The following EVPL variants were observed in gnomAD, a reference collection of about 807,000 sequenced individuals.
The protein encoded by EVPL is envoplakin.
A neutral mutation model predicts 129.7 loss-of-function variants in EVPL; 94 were observed. The ratio of observed to expected loss-of-function variants is 0.72; its 90% CI spans 0.61 to 0.86. EVPL has a LOEUF of 0.86. Ranked by LOEUF, EVPL falls within the 40% of genes least tolerant of loss-of-function variation. EVPL has a pLI of 0.00. For synonymous variants in EVPL, 1,172 were observed against 1,191.1 expected, an observed-to-expected ratio of 0.98 and a Z score of 0.33; for missense variants, 2,625 against 2,721.1, an observed-to-expected ratio of 0.96 and a Z score of 0.79.
chr17:76,012,295 G>A (rs935331332), intron 18 of EVPL: 5 of 506,442 alleles, frequency 9.9e-6, no homozygotes, highest in Non-Finnish European at 1.4e-5. Context: ...CACCTTGGCA[G>A]AATCCCTTTC....
intron 1 of EVPL, among the ~76,000 whole-genome samples, chr17:76,025,575 A>G (rs2066492902): frequency 6.6e-6 from 1 of 151,976 alleles, no homozygotes; most frequent in Non-Finnish European, 1.5e-5. Flanking sequence ...GGAGCTGCAC[A>G]CTCCACCCTG....
In EVPL at chr17:76,008,001, T is replaced by G; in HGVS notation, c.5204A>C (p.Glu1735Ala). The stretch of plus-strand genomic sequence containing the variant: ...GCTCTTGCGGTCCAGGAGCACAGAC[T>G]CCTCCCCACAGGGCCCCGAGGTGGT... The part of the protein sequence containing the change: ...EVTTSGPCGE[E>A]SVLLDRKSGK... The change falls in exon 22 of 22, where the codon GAG becomes GCG. Residue 1735 changes from glutamate (E) to alanine (A), a missense_variant. By Grantham distance (107) the Glu-to-Ala change is moderately radical. Around this residue, in one of 4 missense-constraint regions of EVPL, gnomAD observed 1,453 missense variants for 1,511.8 expected, o/e 0.96. Transcript: ENST00000301607. This position sits in a 1 kb window ranked among gnomAD's most constrained non-coding sequence, Gnocchi z 7.4. 1.9e-6 allele frequency: 3 copies of G among 1,613,954 alleles called. No homozygotes were observed. The highest frequency in any genetic ancestry group is 3.3e-4 in the Middle Eastern group (2 of 6,062).
intron 12 of EVPL, 39 bp downstream of exon 12, chr17:76,018,407 G>A (rs748362769): frequency 2.3e-5 from 37 of 1,587,562 alleles, no homozygotes; most frequent in Admixed American, 5.4e-5. Flanking sequence ...GGCCTGCTCT[G>A]CCCACAGCCT....
At position 76,011,894 on chromosome 17, in the gene EVPL, G is replaced by A. The variant is rs1217551059; in HGVS notation, c.2458-12C>T. 6.8e-6 allele frequency: 11 copies of A among 1,612,456 alleles called. No individual in the cohort carries two copies. The highest frequency in any genetic ancestry group is 4.0e-5 in the African/African-American group (3 of 74,906). On this transcript the variant is annotated splice_polypyrimidine_tract_variant and intron_variant, in intron 19 of 21. Transcript: ENST00000301607. ...TGGAGCTCATAGTCCTGAGCAGGGA[G>A]GAAAGGACAGCAGGCTGGCAACCAG... is the stretch of plus-strand genomic sequence containing the variant.
At chr17:76,012,607 A>C (rs1227484250) in intron 18 of EVPL, among the ~76,000 whole-genome samples, 1 of 151,312 alleles carries the variant, frequency 6.6e-6, no homozygotes, top group Non-Finnish European at 1.5e-5. Context: ...TGTGCCCCTC[A>C]GAGTTCCGTT....
intron 18 of EVPL, 120 bp downstream of exon 18, chr17:76,014,306 G>A: frequency 7.4e-7 from 1 of 1,355,468 alleles, no homozygotes; most frequent in Non-Finnish European, 9.8e-7. Context: ...TTCAGCTGGA[G>A]GCCAGGGAAG....
At position 76,009,250 on chromosome 17, in the gene EVPL, G is replaced by A. The variant is rs375615208; in HGVS notation, c.3955C>T (p.Arg1319Cys). Reference protein sequence around the residue: ...ETKTVSKEVVRHEKDPVLEKE... With the variant: ...ETKTVSKEVVCHEKDPVLEKE... The stretch of plus-strand genomic sequence containing the variant: ...TCCAGCACCGGGTCCTTCTCGTGGC[G>A]CACCACCTCCTTGCTCACCGTCTTG... Residue 1319 changes from arginine (R) to cysteine (C), a missense_variant, in exon 22 of 22, where the codon CGC (arginine) becomes TGC (cysteine). Transcript: ENST00000301607. The surrounding 1 kb of genome is among the most constrained non-coding windows in gnomAD (Gnocchi z 5.9). 3.1e-6 allele frequency: 5 copies of A among 1,607,550 alleles called. 1 individual carries two copies. In the East Asian group the frequency reaches 1.1e-4, roughly 36 times the overall value.
rs1429885738 is a variant in EVPL at position 76,008,406 on chromosome 17, C to G, written c.4799G>C (p.Arg1600Pro). 3.1e-6 allele frequency: 5 copies of G among 1,593,488 alleles called. No homozygotes were observed. The highest frequency in any genetic ancestry group is 4.3e-6 in the Non-Finnish European group (5 of 1,175,778). Residue 1600 changes from arginine (R) to proline (P), a missense_variant, in exon 22 of 22, where the codon CGG becomes CCG. Transcript: ENST00000301607. This position sits in a 1 kb window ranked among gnomAD's most constrained non-coding sequence, Gnocchi z 7.4. ...QECGRLQQELRALERQKQQQT... is the reference protein window; with the variant it reads ...QECGRLQQELPALERQKQQQT... ...CTGCTGCTTCTGCCTCTCCAGAGCC[C>G]GCAGCTCCTGCTGCAGCCGCCCACA...
rs371170109 is a variant in EVPL, at chr17:76,012,575, A to G, written c.2374-486T>C. 8.6e-4 allele frequency among the ~76,000 whole-genome samples: 130 copies of G among 150,414 alleles called. 1 individual carries two copies. The East Asian group carries it at 0.016, about 19-fold the overall frequency. On this transcript the variant is annotated intron_variant, in intron 18 of 21. Coordinates refer to ENST00000301607, the MANE Select transcript of EVPL (RefSeq NM_001988.4). ...CTCCCAAAGTGCTGGGATTACAGGC[A>G]TGAGCCACCTTTCTTTGGCCTTGTG...
chr17:76,017,492 TG>T (rs2066425533), intron 14 of EVPL, among the ~76,000 whole-genome samples: 2 of 152,154 alleles, frequency 1.3e-5, no homozygotes, highest in South Asian at 4.1e-4. Context: ...TCAGGCGAGC[TG>T]GGCATTATTA....
In EVPL at chr17:76,018,453, C is replaced by G; in HGVS notation, c.1432G>C (p.Ala478Pro). ...ATCCCTACACAGACCTACCGGGAGGCCCTGGCCACAGCATCAGGGTCTGGT... is the reference window on the plus strand; with the variant it reads ...ATCCCTACACAGACCTACCGGGAGGGCCTGGCCACAGCATCAGGGTCTGGT... ...PAPDPDAVAR[A>P]SRLASELQAL... is the part of the protein sequence containing the mutation. The change falls in exon 12 of 22, where the codon GCC becomes CCC. Residue 478 changes from alanine (A) to proline (P), a missense_variant. Physicochemically the swap from Ala to Pro is conservative, Grantham distance 27. Transcript: ENST00000301607. 6.2e-7 allele frequency: 1 copy of G among 1,611,662 alleles called. No homozygotes were observed. Among genetic ancestry groups the G allele is most frequent in the South Asian group, 1.1e-5 (1 of 90,784 alleles).
chr17:76,019,797 T>C (rs2066444969), intron 9 of EVPL, 144 bp from the exon 10 acceptor site: 1 of 1,078,092 alleles, frequency 9.3e-7, no homozygotes. Flanking sequence ...ACAAACCAGA[T>C]AAATGTGAAA....
intron 14 of EVPL, among the ~76,000 whole-genome samples, chr17:76,016,452 C>T (rs1332960338): frequency 6.6e-6 from 1 of 152,212 alleles, no homozygotes; most frequent in Non-Finnish European, 1.5e-5. Flanking sequence ...TCCTGGACCC[C>T]AACACCGCTG....
chr17:76,021,974 C>T lies in EVPL; in HGVS notation c.700G>A (p.Gly234Ser), dbSNP rs1244037734. The change falls in exon 7 of 22, where the codon GGC (glycine) becomes AGC (serine). Residue 234 changes from glycine (G) to serine (S), a missense_variant. Around this residue, in one of 4 missense-constraint regions of EVPL, gnomAD observed 1,024 missense variants for 997.5 expected, o/e 1.03. Coordinates refer to ENST00000301607, the MANE Select transcript of EVPL (RefSeq NM_001988.4). ...SLGSLYTHLQ[G>S]CTRQLSALAE... ...AGGGCGCTCAGCTGCCGCGTGCAGC[C>T]CTGGAGGTGCGTGTACAGGCTGCCC... 1.3e-6 allele frequency: 2 copies of T among 1,564,106 alleles called. No individual in the cohort carries two copies. Among genetic ancestry groups the T allele is most frequent in the African/African-American group, 2.7e-5 (2 of 73,880 alleles).
rs771728011 is a variant in EVPL at position 76,007,342 on chromosome 17, T to A, written c.5863A>T (p.Ile1955Phe). The change falls in exon 22 of 22, where the codon ATC (isoleucine) becomes TTC (phenylalanine). Residue 1955 changes from isoleucine (I) to phenylalanine (F), a missense_variant. Ile to Phe is a conservative substitution (Grantham distance 21, BLOSUM62 0). This residue lies in a region of EVPL where 1,453 missense variants were observed against 1,511.8 expected (regional missense o/e 0.96). Transcript: ENST00000301607. The surrounding 1 kb of genome is among the most constrained non-coding windows in gnomAD (Gnocchi z 8.8). Reference sequence around the variant, plus strand: ...ATCCCGGAGAGGAGGGCCTGCTGGATGGGGATGCGGCCTGTCCTCTTGGGG... The same window carrying A: ...ATCCCGGAGAGGAGGGCCTGCTGGAAGGGGATGCGGCCTGTCCTCTTGGGG... ...IDPKRTGRIP[I>F]QQALLSGMIS... 14 of 1,572,130 alleles carry A rather than the reference T, an allele frequency of 8.9e-6. No homozygotes were observed. The East Asian group carries it at 3.2e-4, about 36-fold the overall frequency.
At position 76,009,614 on chromosome 17, in the gene EVPL, G is replaced by A. The variant is rs201966558; in HGVS notation, c.3591C>T (p.His1197=). 327 of 1,613,942 alleles carry A rather than the reference G, an allele frequency of 2.0e-4. 3 individuals carry two copies. In the South Asian group the frequency reaches 3.3e-3, roughly 17 times the overall value. The change falls in exon 22 of 22, where the codon CAC becomes CAT. Residue 1197 remains histidine, a synonymous_variant. Transcript: ENST00000301607. The surrounding 1 kb of genome is among the most constrained non-coding windows in gnomAD (Gnocchi z 5.9). ...TCTCCGGATCCACCTGGAAGATCTC[G>A]TGGACGCGCTCCTGGAGCTGCACTT... The part of the protein sequence containing the change: ...RPKVQLQERV[H]EIFQVDPETE...
chr17:76,009,900 T>G lies in EVPL; in HGVS notation c.3305A>C (p.Asp1102Ala). The G allele has an allele frequency of 1.2e-6, 2 of 1,614,108 alleles. No homozygotes were observed. Among genetic ancestry groups the G allele is most frequent in the Non-Finnish European group, 1.7e-6 (2 of 1,180,020 alleles). ...AQALRLQMEE[D>A]AARRKQAEEA... ...CTCCGCCTGCTTCCTCCGCGCAGCA[T>G]CCTCCTCCATCTGCAGCCTCAGAGC... The change falls in exon 22 of 22, where the codon GAT becomes GCT. Residue 1102 changes from aspartate (D) to alanine (A), a missense_variant. Asp to Ala is a moderately radical substitution (Grantham distance 126). Transcript: ENST00000301607. This position sits in a 1 kb window ranked among gnomAD's most constrained non-coding sequence, Gnocchi z 5.9.
rs1312051858 is a variant in EVPL, at chr17:76,018,243, CAGCTCTGAGGCCAGCCTAGA to C, written c.1440-5_1454del. The C allele has an allele frequency of 6.5e-7, 1 of 1,547,650 alleles. No individual in the cohort carries two copies. The highest frequency in any genetic ancestry group is 2.0e-5 in the Admixed American group (1 of 50,508). Reference sequence around the variant, plus strand: ...TGGCCAATTTCTGCTTCAGGGCCTGCAGCTCTGAGGCCAGCCTAGAATGAAGAGGAGATTGAAGAAAGAGG... The same window carrying C: ...TGGCCAATTTCTGCTTCAGGGCCTGCATGAAGAGGAGATTGAAGAAAGAGG... On this transcript the variant is annotated splice_acceptor_variant and splice_polypyrimidine_tract_variant and coding_sequence_variant and intron_variant, in exon 13 of 22. Coordinates refer to ENST00000301607, the MANE Select transcript of EVPL (RefSeq NM_001988.4). LOFTEE classifies it high-confidence loss of function.
chr17:76,021,396 C>G, intron 9 of EVPL, 72 bp downstream of exon 9: 1 of 1,354,136 alleles, frequency 7.4e-7, no homozygotes, highest in Non-Finnish European at 1.0e-6. Context: ...CTCCTGTGGG[C>G]AGGGGTGCTG....
Sources: gnomAD v4.1 joint callset for allele counts (sites outside exome capture counted in the v4.1 genomes callset) on GRCh38, gnomAD v4.1.1 for gene constraint, gnomAD v4.1.1 regional missense constraint, Gnocchi (gnomAD v3.1) non-coding constraint, MANE v1.5 for transcripts, NCBI Gene and HGNC (gene_info 2026-07-23, HGNC 2026-07-21) for gene names.